DYNC2I1: variants seen among roughly 807,000 people sequenced by gnomAD.
DYNC2I1 encodes the protein cytoplasmic dynein 2 intermediate chain 1.
Under a neutral mutation model 133.4 loss-of-function variants are expected in DYNC2I1, and 89 were observed. The ratio of observed to expected loss-of-function variants is 0.67; its 90% CI spans 0.56 to 0.80. DYNC2I1 has a LOEUF of 0.80. Ranked by LOEUF, DYNC2I1 falls within the 30% of genes least tolerant of loss-of-function variation. The probability of loss-of-function intolerance (pLI) is 0.00; values close to 1 mark genes in which losing one functional copy is unlikely to be tolerated. For synonymous variants in DYNC2I1, 504 were observed against 484.3 expected (o/e 1.04, Z -0.54); for missense variants, 1,291 against 1,314.5 (o/e 0.98, Z 0.28).
At chr7:158,878,016 CG>C (rs1843525767) in intron 4 of DYNC2I1, among the ~76,000 whole-genome samples, 1 of 149,146 alleles carries the variant, frequency 6.7e-6, no homozygotes, top group Admixed American at 6.7e-5. Context: ...CTGTGAGTGC[CG>C]GGTGCCATGT....
intron 24 of DYNC2I1, 64 bp downstream of exon 24, chr7:158,942,212 A>G: frequency 7.6e-7 from 1 of 1,320,674 alleles, no homozygotes; most frequent in Non-Finnish European, 1.0e-6. Context: ...GGTGCCACTT[A>G]CGGTCTTTCT....
Position 158,926,526 on chromosome 7 carries a change from C to T in DYNC2I1, c.2433+63C>T, listed in dbSNP as rs140547056. ...AGTGAGGTGGTCTGGGTGGAGGTGGCGCCTGAATGGCGCAGGGGGCGGGAC... is the reference window on the plus strand; with the variant it reads ...AGTGAGGTGGTCTGGGTGGAGGTGGTGCCTGAATGGCGCAGGGGGCGGGAC... On this transcript the variant is annotated intron_variant, in intron 19 of 24. Coordinates refer to ENST00000407559, the MANE Select transcript of DYNC2I1 (RefSeq NM_018051.5). 149 of 1,562,838 alleles carry T rather than the reference C, an allele frequency of 9.5e-5. No homozygotes were observed. The African/African-American group carries it at 1.3e-3, about 14-fold the overall frequency.
At chr7:158,914,401 A>G in intron 14 of DYNC2I1, 80 bp downstream of exon 14, 1 of 1,096,366 alleles carries the variant, frequency 9.1e-7, no homozygotes, top group Non-Finnish European at 1.3e-6. Flanking sequence ...GGAGCTTTTA[A>G]GATCTTAAAG....
chr7:158,901,525 G>A (rs1403242923), intron 8 of DYNC2I1, among the ~76,000 whole-genome samples: 1 of 152,114 alleles, frequency 6.6e-6, no homozygotes, highest in African/African-American at 2.4e-5. Flanking sequence ...TTCCCAAAAA[G>A]GATGTTTACT....
intron 6 of DYNC2I1, 58 bp from the exon 7 acceptor site, chr7:158,886,963 A>AT: frequency 6.6e-7 from 1 of 1,507,462 alleles, no homozygotes; most frequent in Non-Finnish European, 9.2e-7. Flanking sequence ...AAAATGTTTT[A>AT]TTTTTTAAAA....
At chr7:158,865,524 A>G (rs1416219) in intron 1 of DYNC2I1, among the ~76,000 whole-genome samples, 231 of 152,316 alleles carry the variant, frequency 1.5e-3, no homozygotes, top group African/African-American at 4.0e-3. Flanking sequence ...TGCATGAAGG[A>G]TGCTGGCCCA....
At chr7:158,933,475 G>A (rs897860249) in intron 21 of DYNC2I1, among the ~76,000 whole-genome samples, 3 of 152,200 alleles carry the variant, frequency 2.0e-5, no homozygotes, top group Non-Finnish European at 4.4e-5. Flanking sequence ...CCCCTGCACA[G>A]GACTCTGGAA....
intron 23 of DYNC2I1, among the ~76,000 whole-genome samples, chr7:158,939,422 G>T (rs117679891): frequency 0.011 from 1,638 of 152,226 alleles, 18 homozygotes; most frequent in South Asian, 0.017. Flanking sequence ...CTTCAGTCTA[G>T]GTCACAGAAT....
intron 23 of DYNC2I1, among the ~76,000 whole-genome samples, chr7:158,940,345 G>A (rs901638256): frequency 1.7e-4 from 26 of 152,104 alleles, no homozygotes; most frequent in Non-Finnish European, 2.6e-4. Flanking sequence ...TAGTGCTGCC[G>A]CTGATCTGAC....
At chr7:158,905,140 C>CTTTTTTTCTTT in intron 10 of DYNC2I1, 1 of 335,744 alleles carries the variant, frequency 3.0e-6, no homozygotes, top group Non-Finnish European at 5.6e-6. Context: ...CTTTCTTTTT[C>CTTTTTTTCTTT]TTTTTTTTTT....
chr7:158,944,211 C>T (rs1229192973), intron 24 of DYNC2I1, among the ~76,000 whole-genome samples: 4 of 152,102 alleles, frequency 2.6e-5, no homozygotes, highest in African/African-American at 4.8e-5. Flanking sequence ...AGGGCCAGCA[C>T]GGGAGGTGGC....
At chr7:158,891,931 A>G (rs753149001) in intron 8 of DYNC2I1, among the ~76,000 whole-genome samples, 1 of 126,904 alleles carries the variant, frequency 7.9e-6, no homozygotes, top group Non-Finnish European at 1.8e-5. Context: ...GTGTGAGGGA[A>G]GAATTGCGGA....
At chr7:158,875,249 G>C (rs842689) in intron 3 of DYNC2I1, among the ~76,000 whole-genome samples, 75,708 of 151,602 alleles carry the variant, frequency 0.5, 21,093 homozygotes, top group African/African-American at 0.75. Context: ...CGCACGCCAC[G>C]ACGCCCGGCT....
intron 3 of DYNC2I1, among the ~76,000 whole-genome samples, chr7:158,875,598 C>G (rs917404328): frequency 2.0e-5 from 3 of 152,202 alleles, no homozygotes; most frequent in Non-Finnish European, 4.4e-5. Context: ...CCCCCGGTCT[C>G]TCTTGCAGGT....
chr7:158,856,595 G>T lies in DYNC2I1; in HGVS notation c.-141G>T. ...AGGGCACGCTGGGCAGTGCTTCTGG[G>T]CCCTCTGCTGCTCCTGCTTGTCGGT... On this transcript the variant is annotated 5_prime_UTR_variant, in exon 1 of 25. Coordinates refer to ENST00000407559, the MANE Select transcript of DYNC2I1 (RefSeq NM_018051.5). 4.6e-6 allele frequency: 4 copies of T among 862,052 alleles called. No homozygotes were observed. Among genetic ancestry groups the T allele is most frequent in the Non-Finnish European group, 6.1e-6 (4 of 651,560 alleles). The allele number at this position is 862,052 out of a possible 1,614,324, so 53.4% of individuals were successfully genotyped here.
chr7:158,932,159 T>C (rs1015298198), intron 21 of DYNC2I1, among the ~76,000 whole-genome samples: 1 of 152,200 alleles, frequency 6.6e-6, no homozygotes, highest in African/African-American at 2.4e-5. Context: ...GGGAAGCAGG[T>C]CCTGCAGCTC....
chr7:158,956,036 C>T (rs1852188724), intron 4 of DYNC2I1, among the ~76,000 whole-genome samples: 1 of 152,226 alleles, frequency 6.6e-6, no homozygotes, highest in Non-Finnish European at 1.5e-5. Context: ...CCAATTTGGC[C>T]TGTCATTGGA....
At position 158,905,460 on chromosome 7, in the gene DYNC2I1, A is replaced by G. The variant is rs567940054; in HGVS notation, c.1358-529A>G. 8.3e-4 allele frequency among the ~76,000 whole-genome samples: 127 copies of G among 152,256 alleles called. 1 individual carries two copies. The highest frequency in any genetic ancestry group is 1.3e-3 in the Non-Finnish European group (85 of 67,998). On this transcript the variant is annotated intron_variant, in intron 10 of 24. Transcript: ENST00000407559. ...CTGGCCAAGTTGTTCATTCTTATAT[A>G]ATATGAACCTTTTCCATCAGCCTGA...
intron 24 of DYNC2I1, among the ~76,000 whole-genome samples, chr7:158,942,399 G>A (rs1263954310): frequency 6.6e-6 from 1 of 152,238 alleles, no homozygotes; most frequent in African/African-American, 2.4e-5. Flanking sequence ...CCGGAGGCAC[G>A]TGCGGTGCAA....
Sources: gnomAD v4.1 joint callset for allele counts (sites outside exome capture counted in the v4.1 genomes callset) on GRCh38, gnomAD v4.1.1 for gene constraint, MANE v1.5 for transcripts, NCBI Gene and HGNC (gene_info 2026-07-23, HGNC 2026-07-21) for gene names.